LGI2: variants seen among roughly 807,000 people sequenced by gnomAD.
LGI2 encodes the protein leucine rich repeat LGI family member 2.
In LGI2, 30 loss-of-function variants were observed where a neutral mutation model predicts 52.0. The observed-to-expected ratio is 0.58, with a 90% CI of 0.43 to 0.78. LGI2 has a LOEUF of 0.78. LGI2 is among the 30% of genes least tolerant of loss of function. LGI2 has a pLI of 0.00. For missense variants in LGI2, 573 were observed against 692.5 expected (o/e 0.83, Z 1.94); for synonymous variants, 270 against 271.8 (o/e 0.99, Z 0.06).
In LGI2 at chr4:24,998,959, T is replaced by TA. The variant is rs1725158949; in HGVS notation, c.*4491dup. ...AGCTAAATATGTATACAGCCTAAAA[T>TA]ACATCCACTGTAGTCTGCATACTGT... is the stretch of plus-strand genomic sequence containing the variant. On this transcript the variant is annotated 3_prime_UTR_variant, in exon 8 of 8. Coordinates refer to ENST00000382114, the MANE Select transcript of LGI2 (RefSeq NM_018176.4). 1 of 152,258 alleles carries TA rather than the reference T, an allele frequency of 6.6e-6. No homozygotes were observed. The allele number at this position is 152,258 out of a possible 1,614,324, so 9.4% of individuals were successfully genotyped here.
chr4:24,997,888 T>C (rs1161481100), downstream of LGI2, among the ~76,000 whole-genome samples: 1 of 152,140 alleles, frequency 6.6e-6, no homozygotes, highest in Non-Finnish European at 1.5e-5. Context: ...AGAACATTTT[T>C]TTTTAAGAGA....
chr4:24,997,482 AAAC>A (rs1417553629), downstream of LGI2, among the ~76,000 whole-genome samples: 1 of 152,230 alleles, frequency 6.6e-6, no homozygotes, highest in African/African-American at 2.4e-5. Context: ...TTTAATGGTA[AAAC>A]AACAATGAAA....
chr4:25,021,610 T>C (rs1725960804), intron 4 of LGI2, among the ~76,000 whole-genome samples: 1 of 152,142 alleles, frequency 6.6e-6, no homozygotes, highest in African/African-American at 2.4e-5. Flanking sequence ...AATTACTAAA[T>C]GCATCTCCTG....
intron 7 of LGI2, among the ~76,000 whole-genome samples, chr4:25,009,236 G>C (rs10010508): frequency 0.37 from 56,913 of 152,012 alleles, 10,702 homozygotes; most frequent in Middle Eastern, 0.51. Context: ...GCAACTCCCC[G>C]CTGGCTCATT....
chr4:25,001,140 A>G lies in LGI2; in HGVS notation c.*2311T>C, dbSNP rs528732014. ...TTTCACCTCCTAATTCCCCATCTGG[A>G]CTCAACAGCTCTCCCCATCCTAAGC... is the stretch of plus-strand genomic sequence containing the variant. On this transcript the variant is annotated 3_prime_UTR_variant, in exon 8 of 8. Transcript: ENST00000382114. 7 of 152,298 alleles carry G rather than the reference A, an allele frequency of 4.6e-5. No homozygotes were observed. In the South Asian group the frequency reaches 1.0e-3, roughly 23 times the overall value. 9.4% of individuals were successfully genotyped at this position (152,298 alleles called of 1,614,324 possible).
At position 25,001,269 on chromosome 4, in the gene LGI2, T is replaced by C. The variant is rs1202167332; in HGVS notation, c.*2182A>G. On this transcript the variant is annotated 3_prime_UTR_variant, in exon 8 of 8. Transcript: ENST00000382114. ...TTACCCTCAGAGGGGCAGCTGGGAA[T>C]GTGATACCTCTCTGCAGTAGCAACA... The C allele has an allele frequency of 1.3e-5, 2 of 152,230 alleles. No homozygotes were observed. The highest frequency in any genetic ancestry group is 4.8e-5 in the African/African-American group (2 of 41,450). The allele number at this position is 152,230 out of a possible 1,614,324, so 9.4% of individuals were successfully genotyped here. A position where few individuals can be genotyped will look rare whatever the true frequency, so the allele number is the denominator to read the frequency against.
In LGI2 at chr4:25,028,539, T is replaced by G; in HGVS notation, c.237A>C (p.Arg79=). The change falls in exon 2 of 8, where the codon CGA becomes CGC. Residue 79 remains arginine (R), a synonymous_variant. Coordinates refer to ENST00000382114, the MANE Select transcript of LGI2 (RefSeq NM_018176.4). ...GCAGAGAAGGCAGATGGGAAAACAT[T>G]CGGTCCTTGATTTCTGAAAACGTCC... ...VNGTFSEIKD[R]MFSHLPSLQL... The G allele has an allele frequency of 6.2e-7, 1 of 1,613,552 alleles. No individual in the cohort carries two copies. Among genetic ancestry groups the G allele is most frequent in the Non-Finnish European group, 8.5e-7 (1 of 1,179,888 alleles).
the LGI2 span, among the ~76,000 whole-genome samples, chr4:24,993,171 G>A: frequency 1.3e-5 from 2 of 152,214 alleles, no homozygotes; most frequent in African/African-American, 4.8e-5. Flanking sequence ...CTGGCACTGG[G>A]CTAGGGCTAA....
chr4:25,010,058 T>C (rs1468707610), intron 7 of LGI2, among the ~76,000 whole-genome samples: 1 of 152,096 alleles, frequency 6.6e-6, no homozygotes, highest in Non-Finnish European at 1.5e-5. Context: ...AGCTGCAGTA[T>C]ATCAGAAGGG....
chr4:25,009,272 G>C (rs1725496610), intron 7 of LGI2, among the ~76,000 whole-genome samples: 3 of 152,118 alleles, frequency 2.0e-5, no homozygotes, highest in Admixed American at 2.0e-4. Context: ...CATCCCCCTG[G>C]ATGTTCTTCA....
At chr4:25,019,050 A>G in intron 5 of LGI2, 117 bp downstream of exon 5, 1 of 733,062 alleles carries the variant, frequency 1.4e-6, no homozygotes, top group Admixed American at 2.4e-5. Flanking sequence ...CTACTTTGTT[A>G]TAGATTTTTA....
At chr4:25,028,406 G>A (rs1726212798) in intron 2 of LGI2, 101 bp downstream of exon 2, 2 of 1,034,906 alleles carry the variant, frequency 1.9e-6, no homozygotes, top group African/African-American at 1.6e-5. Flanking sequence ...TCACGGAGCT[G>A]GGGTACTTTA....
At chr4:25,012,191 C>T in intron 7 of LGI2, 144 bp downstream of exon 7, 1 of 852,556 alleles carries the variant, frequency 1.2e-6, no homozygotes, top group Non-Finnish European at 1.8e-6. Flanking sequence ...TGGAGAGACC[C>T]AGAGGGAAGG....
At chr4:25,019,854 C>T (rs1049279279) in intron 4 of LGI2, among the ~76,000 whole-genome samples, 3 of 152,216 alleles carry the variant, frequency 2.0e-5, no homozygotes, top group Non-Finnish European at 2.9e-5. Context: ...TATTTGTTTA[C>T]TGGCTGTGTA....
intron 1 of LGI2, among the ~76,000 whole-genome samples, chr4:25,029,806 T>C (rs1176139670): frequency 2.0e-5 from 3 of 152,244 alleles, no homozygotes; most frequent in Non-Finnish European, 4.4e-5. Context: ...TTCAAAGCAC[T>C]TGGCCACTGG....
intron 6 of LGI2, among the ~76,000 whole-genome samples, chr4:25,015,971 C>T (rs1462943465): frequency 1.3e-5 from 2 of 151,762 alleles, no homozygotes; most frequent in African/African-American, 4.9e-5. Context: ...CTCCCTCTCA[C>T]CAGAAAGCCT....
chr4:24,998,337 G>A (rs1180397865), downstream of LGI2, among the ~76,000 whole-genome samples: 1 of 152,186 alleles, frequency 6.6e-6, no homozygotes, highest in African/African-American at 2.4e-5. Flanking sequence ...CACACAATAA[G>A]TACACAGTCA....
At chr4:25,026,365 T>G (rs531409775) in intron 3 of LGI2, among the ~76,000 whole-genome samples, 3 of 152,016 alleles carry the variant, frequency 2.0e-5, no homozygotes, top group African/African-American at 7.3e-5. Context: ...AAAATGACCT[T>G]TTTTTAAGGA....
chr4:25,028,560 C>T lies in LGI2; in HGVS notation c.216G>A (p.Thr72=), dbSNP rs369542152. 44 of 1,613,098 alleles carry T rather than the reference C, an allele frequency of 2.7e-5. No individual in the cohort carries two copies. The highest frequency in any genetic ancestry group is 4.0e-5 in the African/African-American group (3 of 74,904). Residue 72 remains threonine, a synonymous_variant, in exon 2 of 8, where the codon ACG becomes ACA. Coordinates refer to ENST00000382114, the MANE Select transcript of LGI2 (RefSeq NM_018176.4). The part of the protein sequence containing the change: ...DISSLSLVNG[T]FSEIKDRMFS... ...ACATTCGGTCCTTGATTTCTGAAAA[C>T]GTCCCATTTACCAGGCTCCTACGGG...
Sources: allele counts gnomAD v4.1 joint callset (sites outside exome capture counted in the v4.1 genomes callset), GRCh38; gene constraint gnomAD v4.1.1; transcripts MANE v1.5; gene names NCBI Gene and HGNC (gene_info 2026-07-23, HGNC 2026-07-21).